The following PTPRD variants were observed in gnomAD, a reference collection of about 807,000 sequenced individuals.
PTPRD encodes the protein receptor-type tyrosine-protein phosphatase delta.
A neutral mutation model predicts 214.5 loss-of-function variants in PTPRD; 34 were observed. That is an observed-to-expected ratio of 0.16 (90% CI 0.12 to 0.21). The LOEUF (loss-of-function observed/expected upper bound fraction) is 0.21, where lower values mean the gene tolerates loss of function less well. Among genes scored for constraint, PTPRD ranks in the 10% least tolerant of loss-of-function variants. The pLI, the probability that PTPRD is intolerant of heterozygous loss-of-function variation, is 1.00. For synonymous variants in PTPRD, 1,128 were observed against 845.7 expected, an observed-to-expected ratio of 1.33 and a Z score of -5.79; for missense variants, 2,545 against 2,398.7, an observed-to-expected ratio of 1.06 and a Z score of -1.27.
chr9:9,425,284 C>A (rs560660986), intron 8 of PTPRD, among the ~76,000 whole-genome samples: 3 of 151,616 alleles, frequency 2.0e-5, no homozygotes, highest in Non-Finnish European at 4.4e-5. Context: ...AGTTCCATGA[C>A]GTTCAGAATC....
chr9:9,429,500 G>T (rs922507366), intron 8 of PTPRD, among the ~76,000 whole-genome samples: 1 of 152,130 alleles, frequency 6.6e-6, no homozygotes, highest in Non-Finnish European at 1.5e-5. Context: ...CATTACTTAT[G>T]AAACTATTCC....
intron 9 of PTPRD, among the ~76,000 whole-genome samples, chr9:9,227,948 T>C (rs1433989822): frequency 2.0e-5 from 3 of 152,134 alleles, no homozygotes; most frequent in African/African-American, 7.2e-5. Context: ...AATATTTTGG[T>C]GGTAATTTGT....
intron 9 of PTPRD, among the ~76,000 whole-genome samples, chr9:9,263,196 T>A (rs1278253718): frequency 6.6e-6 from 1 of 151,706 alleles, no homozygotes; most frequent in Admixed American, 6.6e-5. Context: ...CATTCAAATT[T>A]ATTATTATTA....
intron 5 of PTPRD, among the ~76,000 whole-genome samples, chr9:9,839,228 A>G (rs2057668817): frequency 6.6e-6 from 1 of 152,160 alleles, no homozygotes; most frequent in South Asian, 2.1e-4. Flanking sequence ...AAGGAAATAC[A>G]GGGTATTCAA....
At chr9:10,169,779 T>C (rs2099188991) in intron 3 of PTPRD, among the ~76,000 whole-genome samples, 1 of 152,132 alleles carries the variant, frequency 6.6e-6, no homozygotes, top group Non-Finnish European at 1.5e-5. Flanking sequence ...AATCTCCAAA[T>C]TGTATCATCT....
intron 3 of PTPRD, among the ~76,000 whole-genome samples, chr9:10,131,635 A>ATGTG (rs1564013550): frequency 6.6e-6 from 1 of 152,182 alleles, no homozygotes; most frequent in Non-Finnish European, 1.5e-5. Flanking sequence ...ATGAAGGAAG[A>ATGTG]TGTAAGCTAT....
At chr9:9,727,405 G>C (rs532129813) in intron 7 of PTPRD, among the ~76,000 whole-genome samples, 1 of 152,024 alleles carries the variant, frequency 6.6e-6, no homozygotes. Flanking sequence ...AGCCAAGATC[G>C]CACCACTGCA....
chr9:8,725,450 G>C (rs1366499374), intron 12 of PTPRD, among the ~76,000 whole-genome samples: 1 of 152,070 alleles, frequency 6.6e-6, no homozygotes, highest in African/African-American at 2.4e-5. Flanking sequence ...ACATGAATGA[G>C]CCAATCAGTC....
intron 11 of PTPRD, among the ~76,000 whole-genome samples, chr9:8,926,709 T>C (rs1396866638): frequency 6.6e-6 from 1 of 152,196 alleles, no homozygotes; most frequent in Non-Finnish European, 1.5e-5. Flanking sequence ...TTGCTCACAT[T>C]AAATATTTTT....
chr9:10,429,619 TA>T (rs35678654), intron 2 of PTPRD, among the ~76,000 whole-genome samples: 1 of 151,388 alleles, frequency 6.6e-6, no homozygotes, highest in Admixed American at 6.6e-5. Context: ...AAGTGAGGGA[TA>T]AAAAATGTGT....
At chr9:8,350,539 T>C (rs900153681) in intron 39 of PTPRD, among the ~76,000 whole-genome samples, 10 of 152,130 alleles carry the variant, frequency 6.6e-5, no homozygotes, top group Non-Finnish European at 2.9e-5. Flanking sequence ...TTAATAAAAC[T>C]GTGATGTGAC....
At position 9,651,290 on chromosome 9, in the gene PTPRD, T is replaced by C. The variant is rs561499808; in HGVS notation, c.-286-76509A>G. ...AGGATACAAGTGCAGATTTGTTACA[T>C]AGGCAAACTTGTATCATTGAGGGTT... On this transcript the variant is annotated intron_variant, in intron 7 of 45. Transcript: ENST00000381196. Among the ~76,000 whole-genome samples, 7 of 152,338 alleles carry C rather than the reference T, an allele frequency of 4.6e-5. No homozygotes were observed. The East Asian group carries it at 7.7e-4, about 17-fold the overall frequency.
intron 10 of PTPRD, among the ~76,000 whole-genome samples, chr9:9,134,233 C>T (rs906020323): frequency 4.1e-5 from 6 of 148,046 alleles, no homozygotes; most frequent in Non-Finnish European, 7.4e-5. Flanking sequence ...CCACCACGCC[C>T]GGCTAATTTT....
Position 10,113,130 on chromosome 9 carries a change from A to G in PTPRD, c.-544-79340T>C, listed in dbSNP as rs535293246. Among the ~76,000 whole-genome samples, 5 of 152,314 alleles carry G rather than the reference A, an allele frequency of 3.3e-5. No homozygotes were observed. The South Asian group carries it at 1.0e-3, about 32-fold the overall frequency. On this transcript the variant is annotated intron_variant, in intron 3 of 45. Transcript: ENST00000381196. ...CCAGCTTTGTCAGCAGCGTTTTGAGAGGATGCAAGTATAAAAATCATGGGC... is the reference window on the plus strand; with the variant it reads ...CCAGCTTTGTCAGCAGCGTTTTGAGGGGATGCAAGTATAAAAATCATGGGC...
chr9:9,833,182 C>G (rs933668907), intron 5 of PTPRD, among the ~76,000 whole-genome samples: 1 of 151,928 alleles, frequency 6.6e-6, no homozygotes, highest in African/African-American at 2.4e-5. Flanking sequence ...AGGGGACCTG[C>G]CCCGATAATC....
intron 12 of PTPRD, among the ~76,000 whole-genome samples, chr9:8,709,274 G>A (rs1403799048): frequency 6.6e-6 from 1 of 152,092 alleles, no homozygotes; most frequent in Non-Finnish European, 1.5e-5. Context: ...CAGCACTTTG[G>A]GAGGCTGAGG....
chr9:8,364,255 G>A (rs185357985), intron 39 of PTPRD, among the ~76,000 whole-genome samples: 51 of 152,314 alleles, frequency 3.3e-4, no homozygotes, highest in African/African-American at 1.2e-3. Context: ...TTTACATTAC[G>A]TTAAGAAATA....
At chr9:8,745,041 T>C (rs1390272524) in intron 11 of PTPRD, among the ~76,000 whole-genome samples, 2 of 152,188 alleles carry the variant, frequency 1.3e-5, no homozygotes, top group East Asian at 3.9e-4. Flanking sequence ...TGTACATATA[T>C]TTCATTCAGT....
chr9:8,384,984 T>C (rs1265516745), intron 37 of PTPRD, among the ~76,000 whole-genome samples: 3 of 152,214 alleles, frequency 2.0e-5, no homozygotes, highest in Admixed American at 1.3e-4. Flanking sequence ...AGGGAAGTAA[T>C]AGCATTTGAA....
Sources: allele counts gnomAD v4.1 joint callset (sites outside exome capture counted in the v4.1 genomes callset), GRCh38; gene constraint gnomAD v4.1.1; transcripts MANE v1.5; gene names NCBI Gene and HGNC (gene_info 2026-07-23, HGNC 2026-07-21).